Variants in PDE4D observed in about 807,000 individuals in gnomAD.
PDE4D encodes 3',5'-cyclic-AMP phosphodiesterase 4D.
In PDE4D, 24 loss-of-function variants were observed where a neutral mutation model predicts 87.4. That is an observed-to-expected ratio of 0.27 (90% CI 0.20 to 0.39). PDE4D has a LOEUF of 0.39. Among genes scored for constraint, PDE4D ranks in the 10% least tolerant of loss-of-function variants. The probability of loss-of-function intolerance (pLI) is 1.00; values close to 1 mark genes in which losing one functional copy is unlikely to be tolerated. For missense variants in PDE4D, 714 were observed against 1,041.0 expected (o/e 0.69, Z 4.32); for synonymous variants, 384 against 383.2 (o/e 1.00, Z -0.02).
intron 2 of PDE4D, among the ~76,000 whole-genome samples, chr5:60,071,246 T>C (rs1002892531): frequency 3.9e-5 from 6 of 151,998 alleles, no homozygotes; most frequent in African/African-American, 1.4e-4. Context: ...CCTTAGTCTG[T>C]TGTTATTGTT....
At chr5:59,068,369 T>G (rs1764240959) in intron 5 of PDE4D, among the ~76,000 whole-genome samples, 1 of 152,204 alleles carries the variant, frequency 6.6e-6, no homozygotes, top group African/African-American at 2.4e-5. Flanking sequence ...AGGTTTTTTA[T>G]TCATTTGTTC....
At chr5:60,180,627 G>A (rs1406262476) in intron 2 of PDE4D, among the ~76,000 whole-genome samples, 2 of 152,096 alleles carry the variant, frequency 1.3e-5, no homozygotes, top group Non-Finnish European at 2.9e-5. Context: ...TCTTACATTG[G>A]ATACTCAGAG....
At chr5:59,519,796 G>A (rs1811868088) in intron 1 of PDE4D, among the ~76,000 whole-genome samples, 1 of 152,202 alleles carries the variant, frequency 6.6e-6, no homozygotes, top group Admixed American at 6.5e-5. Flanking sequence ...AACTGGTTAG[G>A]AGGGTATTTC....
intron 1 of PDE4D, among the ~76,000 whole-genome samples, chr5:60,449,704 T>C (rs1471866320): frequency 1.3e-5 from 2 of 151,096 alleles, no homozygotes; most frequent in Non-Finnish European, 2.9e-5. Context: ...AAGCTCTTGC[T>C]ATATTGCCAA....
chr5:60,267,116 A>T (rs1255391366), intron 1 of PDE4D, among the ~76,000 whole-genome samples: 1 of 152,214 alleles, frequency 6.6e-6, no homozygotes, highest in Non-Finnish European at 1.5e-5. Context: ...TAGAATAAGG[A>T]CGTAAAACTG....
intron 1 of PDE4D, among the ~76,000 whole-genome samples, chr5:60,375,649 T>A (rs1335212123): frequency 6.6e-6 from 1 of 152,192 alleles, no homozygotes; most frequent in South Asian, 2.1e-4. Context: ...GGCTTATCAG[T>A]GAAAGCCAGT....
chr5:59,935,290 C>T (rs938855397), intron 3 of PDE4D, among the ~76,000 whole-genome samples: 1 of 151,804 alleles, frequency 6.6e-6, no homozygotes, highest in Admixed American at 6.6e-5. Flanking sequence ...AGGATTTGGG[C>T]ATGACTTAGG....
intron 2 of PDE4D, among the ~76,000 whole-genome samples, chr5:60,044,146 G>A (rs1334716525): frequency 1.3e-5 from 2 of 151,804 alleles, no homozygotes; most frequent in Non-Finnish European, 2.9e-5. Flanking sequence ...ATAGCTAAAA[G>A]AGGAGAATTG....
chr5:59,279,138 T>C (rs17444185), intron 1 of PDE4D, among the ~76,000 whole-genome samples: 34,789 of 152,042 alleles, frequency 0.23, 4,337 homozygotes, highest in Admixed American at 0.34. Flanking sequence ...TACTTTCCAA[T>C]CTATCATGAG....
chr5:60,129,245 T>C (rs569345859), intron 2 of PDE4D, among the ~76,000 whole-genome samples: 152 of 152,358 alleles, frequency 1.0e-3, no homozygotes, highest in African/African-American at 3.5e-3. Context: ...GGAATCTTTA[T>C]AGAAAACCTG....
At chr5:59,227,274 G>C in intron 1 of PDE4D, among the ~76,000 whole-genome samples, 1 of 151,914 alleles carries the variant, frequency 6.6e-6, no homozygotes, top group East Asian at 1.9e-4. Context: ...AAAAGCTAAA[G>C]GTATAAAAAC....
chr5:59,413,161 A>G (rs1792978544), intron 1 of PDE4D, among the ~76,000 whole-genome samples: 1 of 152,172 alleles, frequency 6.6e-6, no homozygotes, highest in Non-Finnish European at 1.5e-5. Flanking sequence ...TGACCTAACA[A>G]AAAATGCCAT....
At chr5:60,309,815 T>C (rs1394330454) in intron 1 of PDE4D, among the ~76,000 whole-genome samples, 1 of 152,214 alleles carries the variant, frequency 6.6e-6, no homozygotes, top group East Asian at 1.9e-4. Context: ...AATTTGCTTA[T>C]ATATCATGTA....
At chr5:59,295,838 GA>G (rs762948605) in intron 1 of PDE4D, among the ~76,000 whole-genome samples, 6 of 122,474 alleles carry the variant, frequency 4.9e-5, no homozygotes, top group Admixed American at 1.7e-4. Context: ...CTAAGTGTAA[GA>G]AAAAAAAAAC....
Position 59,095,752 on chromosome 5 carries a change from C to A in PDE4D, c.809-56781G>T, listed in dbSNP as rs147468267. On this transcript the variant is annotated intron_variant, in intron 5 of 14. Transcript: ENST00000340635. ...GCTTTCCCCTCCTAATTCTCAAGAC[C>A]ATTTTGATAACTGGCTAAGACTGGA... Among the ~76,000 whole-genome samples the A allele has an allele frequency of 1.7e-3, 260 of 152,186 alleles. 1 individual carries two copies. Among genetic ancestry groups the A allele is most frequent in the African/African-American group, 5.9e-3 (244 of 41,532 alleles).
intron 1 of PDE4D, among the ~76,000 whole-genome samples, chr5:59,401,763 C>T (rs1790692404): frequency 6.6e-6 from 1 of 152,198 alleles, no homozygotes; most frequent in Non-Finnish European, 1.5e-5. Flanking sequence ...AAAGCCTTGG[C>T]TGTTGCCGCT....
intron 1 of PDE4D, among the ~76,000 whole-genome samples, chr5:59,594,095 A>G (rs933935830): frequency 1.3e-5 from 2 of 151,870 alleles, no homozygotes; most frequent in African/African-American, 4.8e-5. Context: ...ATCAAGGAGA[A>G]AGGAAATACT....
intron 1 of PDE4D, among the ~76,000 whole-genome samples, chr5:60,436,587 A>C (rs1040342523): frequency 1.3e-5 from 2 of 152,104 alleles, no homozygotes; most frequent in Non-Finnish European, 2.9e-5. Flanking sequence ...CTTGAGCTTC[A>C]AACAGAAAAT....
At chr5:60,336,735 G>T (rs991555305) in intron 1 of PDE4D, among the ~76,000 whole-genome samples, 4 of 152,166 alleles carry the variant, frequency 2.6e-5, no homozygotes, top group Admixed American at 6.5e-5. Flanking sequence ...TCTTCTTGCA[G>T]TTTCCTTCTC....
Sources: allele counts gnomAD v4.1 joint callset (sites outside exome capture counted in the v4.1 genomes callset), GRCh38; gene constraint gnomAD v4.1.1; transcripts MANE v1.5; gene names NCBI Gene and HGNC (gene_info 2026-07-23, HGNC 2026-07-21).